The following KSR2 variants were observed in gnomAD, a reference collection of about 807,000 sequenced individuals.
KSR2 encodes the protein kinase suppressor of ras 2.
Under a neutral mutation model 107.8 loss-of-function variants are expected in KSR2, and 25 were observed. That is an observed-to-expected ratio of 0.23 (90% CI 0.17 to 0.32). The LOEUF (loss-of-function observed/expected upper bound fraction) is 0.32, where lower values mean the gene tolerates loss of function less well. Among genes scored for constraint, KSR2 ranks in the 10% least tolerant of loss-of-function variants. The pLI is 1.00. For missense variants in KSR2, 887 were observed against 1,268.9 expected (o/e 0.70, Z 4.57); for synonymous variants, 480 against 507.0 (o/e 0.95, Z 0.71).
intron 14 of KSR2, among the ~76,000 whole-genome samples, chr12:117,514,754 C>A (rs1422903981): frequency 6.6e-6 from 1 of 151,940 alleles, no homozygotes; most frequent in Non-Finnish European, 1.5e-5. Context: ...CCCTGTGCTG[C>A]CCAGGCTGGT....
At position 117,870,177 on chromosome 12, in the gene KSR2, C is replaced by G. The variant is rs2723277; in HGVS notation, c.181-9746G>C. Among the ~76,000 whole-genome samples the G allele has an allele frequency of 1.9e-4, 29 of 152,322 alleles. 1 individual carries two copies. The highest frequency in any genetic ancestry group is 3.2e-4 in the Non-Finnish European group (22 of 68,018). Reference sequence around the variant, plus strand: ...AGAGGGCCTTATTCATCTTAGGAAGCCTTCTAAGTGAATTCCCGAATTCTA... The same window carrying G: ...AGAGGGCCTTATTCATCTTAGGAAGGCTTCTAAGTGAATTCCCGAATTCTA... On this transcript the variant is annotated intron_variant, in intron 1 of 19. Transcript: ENST00000339824.
intron 5 of KSR2, among the ~76,000 whole-genome samples, chr12:117,586,629 A>AAAGAAAGAAAGAAAG (rs1880013883): frequency 1.4e-5 from 2 of 138,314 alleles, no homozygotes; most frequent in Non-Finnish European, 3.0e-5. Flanking sequence ...AAAAGAAAGA[A>AAAGAAAGAAAGAAAG]AAAGAAAGAA....
chr12:117,815,061 G>T (rs779544848), intron 3 of KSR2, among the ~76,000 whole-genome samples: 18 of 152,144 alleles, frequency 1.2e-4, no homozygotes, highest in Non-Finnish European at 2.1e-4. Flanking sequence ...CATAACAACA[G>T]AAAGGCTCAT....
intron 4 of KSR2, among the ~76,000 whole-genome samples, chr12:117,710,590 C>T (rs1376043863): frequency 6.6e-6 from 1 of 152,108 alleles, no homozygotes; most frequent in Non-Finnish European, 1.5e-5. Context: ...TTCACCTCTG[C>T]CAGCCGTATG....
chr12:117,930,732 A>G (rs1273972214), intron 1 of KSR2, among the ~76,000 whole-genome samples: 1 of 152,142 alleles, frequency 6.6e-6, no homozygotes, highest in East Asian at 1.9e-4. Context: ...CCTGGCCAAC[A>G]GTGAAACCCC....
In KSR2 at chr12:117,693,808, G is replaced by A. The variant is rs144700810; in HGVS notation, c.987-26150C>T. ...CCCCACTGACAGATGGTATACCTGC[G>A]GCTCACAGGGGAGACTCATTTATCA... On this transcript the variant is annotated intron_variant, in intron 4 of 19. Transcript: ENST00000339824. 3.7e-4 allele frequency among the ~76,000 whole-genome samples: 56 copies of A among 152,230 alleles called. 1 individual carries two copies. Among genetic ancestry groups the A allele is most frequent in the Admixed American group, 1.3e-4 (2 of 15,292 alleles).
At chr12:117,959,338 C>T (rs1896598532) in intron 1 of KSR2, among the ~76,000 whole-genome samples, 1 of 152,134 alleles carries the variant, frequency 6.6e-6, no homozygotes, top group South Asian at 2.1e-4. Flanking sequence ...CCCCATTCTC[C>T]TAGCACTCAA....
At chr12:117,700,585 A>G (rs2136615122) in intron 4 of KSR2, among the ~76,000 whole-genome samples, 1 of 152,354 alleles carries the variant, frequency 6.6e-6, no homozygotes, top group South Asian at 2.1e-4. Context: ...AGTCACTGAA[A>G]AATAATGATG....
intron 14 of KSR2, among the ~76,000 whole-genome samples, chr12:117,499,271 C>T (rs1295224864): frequency 1.3e-5 from 2 of 152,160 alleles, no homozygotes; most frequent in African/African-American, 4.8e-5. Context: ...AGAGGATAGC[C>T]CCCACGGTGT....
At chr12:117,660,442 A>G (rs1341335087) in intron 5 of KSR2, among the ~76,000 whole-genome samples, 2 of 152,118 alleles carry the variant, frequency 1.3e-5, no homozygotes, top group Non-Finnish European at 2.9e-5. Flanking sequence ...TTGTAGACTC[A>G]TCAGTCCAAT....
intron 5 of KSR2, among the ~76,000 whole-genome samples, chr12:117,661,030 T>C (rs1019077982): frequency 2.0e-5 from 3 of 152,164 alleles, no homozygotes; most frequent in Non-Finnish European, 4.4e-5. Context: ...AAAGATGTGA[T>C]ATACTAAGAA....
intron 16 of KSR2, among the ~76,000 whole-genome samples, chr12:117,481,028 T>G (rs1872144411): frequency 6.6e-6 from 1 of 152,120 alleles, no homozygotes; most frequent in Middle Eastern, 3.4e-3. Flanking sequence ...CACTACTGCA[T>G]TCCAGCCTGG....
chr12:117,654,748 C>T (rs1884061609), intron 5 of KSR2, among the ~76,000 whole-genome samples: 1 of 152,184 alleles, frequency 6.6e-6, no homozygotes, highest in African/African-American at 2.4e-5. Flanking sequence ...TGGTCAAAAA[C>T]TGTGAAGATA....
At chr12:117,763,047 G>A (rs377396529) in intron 3 of KSR2, among the ~76,000 whole-genome samples, 5 of 150,450 alleles carry the variant, frequency 3.3e-5, no homozygotes, top group Middle Eastern at 3.4e-3. Flanking sequence ...CCTCTCCCCC[G>A]ACCCCACAAC....
chr12:117,848,505 T>G (rs1402684654), intron 3 of KSR2, among the ~76,000 whole-genome samples: 1 of 152,168 alleles, frequency 6.6e-6, no homozygotes, highest in Non-Finnish European at 1.5e-5. Flanking sequence ...TCTATTTTTG[T>G]GGCCAGGGAA....
chr12:117,619,517 C>T (rs1278098845), intron 5 of KSR2, among the ~76,000 whole-genome samples: 2 of 151,824 alleles, frequency 1.3e-5, no homozygotes, highest in Non-Finnish European at 2.9e-5. Flanking sequence ...CATCTTCATC[C>T]ATGTCCCTAC....
At chr12:117,714,645 G>T (rs1886910316) in intron 4 of KSR2, among the ~76,000 whole-genome samples, 1 of 152,174 alleles carries the variant, frequency 6.6e-6, no homozygotes, top group Non-Finnish European at 1.5e-5. Flanking sequence ...CAGTCTCTCT[G>T]CTTCTCAGCC....
chr12:117,901,098 T>C (rs1894668213), intron 1 of KSR2, among the ~76,000 whole-genome samples: 1 of 152,028 alleles, frequency 6.6e-6, no homozygotes, highest in African/African-American at 2.4e-5. Context: ...AATGAAACAG[T>C]GCACAGTGCG....
chr12:117,962,590 A>T (rs1345709061), intron 1 of KSR2, among the ~76,000 whole-genome samples: 1 of 151,204 alleles, frequency 6.6e-6, no homozygotes, highest in East Asian at 2.0e-4. Context: ...GATTACAGGT[A>T]CCCGCTGCCA....
Sources: gnomAD v4.1 joint callset for allele counts (sites outside exome capture counted in the v4.1 genomes callset) on GRCh38, gnomAD v4.1.1 for gene constraint, MANE v1.5 for transcripts, NCBI Gene and HGNC (gene_info 2026-07-23, HGNC 2026-07-21) for gene names.